IGSF8: variants seen among roughly 807,000 people sequenced by gnomAD.
IGSF8 encodes the protein CD81 partner 3.
IGSF8 carries 46 observed loss-of-function variants against 55.5 expected under a neutral mutation model. The observed-to-expected ratio is 0.83, with a 90% CI of 0.65 to 1.06. The LOEUF is 1.06. Ranked by LOEUF, IGSF8 falls within the 50% of genes least tolerant of loss-of-function variation. IGSF8 has a pLI of 0.00. For missense variants in IGSF8, 731 were observed against 832.3 expected (o/e 0.88, Z 1.50); for synonymous variants, 314 against 356.1 (o/e 0.88, Z 1.33).
upstream of IGSF8, among the ~76,000 whole-genome samples, chr1:160,099,434 C>T (rs1570970412): frequency 6.6e-6 from 1 of 152,226 alleles, no homozygotes; most frequent in African/African-American, 2.4e-5. Flanking sequence ...CTGTTTTTCA[C>T]CCCCTCAGAG....
intron 1 of IGSF8, among the ~76,000 whole-genome samples, chr1:160,096,247 A>G (rs935155431): frequency 3.9e-5 from 6 of 152,190 alleles, no homozygotes; most frequent in African/African-American, 7.2e-5. Context: ...CAGAACCTCA[A>G]TGTAAAGAGG....
chr1:160,092,994 C>T lies in IGSF8; in HGVS notation c.1242G>A (p.Gly414=). 3 of 1,613,966 alleles carry T rather than the reference C, an allele frequency of 1.9e-6. No homozygotes were observed. Among genetic ancestry groups the T allele is most frequent in the Middle Eastern group, 3.3e-4 (2 of 6,058 alleles). ...YRCLAKAYVR[G]SGTRLREAAS... ...CTGCTTCACGAAGCCGGGTCCCAGACCCTCGAACATAGGCTTTGGCGAGGC... is the reference window on the plus strand; with the variant it reads ...CTGCTTCACGAAGCCGGGTCCCAGATCCTCGAACATAGGCTTTGGCGAGGC... Residue 414 remains glycine (G), a synonymous_variant, in exon 4 of 7, where the codon GGG becomes GGA. Transcript: ENST00000314485.
Position 160,092,536 on chromosome 1 carries a change from G to T in IGSF8, c.1472C>A (p.Ser491Tyr). The T allele has an allele frequency of 6.2e-7, 1 of 1,612,712 alleles. No individual in the cohort carries two copies. Among genetic ancestry groups the T allele is most frequent in the Non-Finnish European group, 8.5e-7 (1 of 1,179,758 alleles). ...GCCACCCACCAGCTGGGCAGGGACA[G>T]AGCTGAGCTCTCCGTCCTCTGGTCG... ...VERPEDGELS[S>Y]VPAQLVGGVG... Residue 491 changes from serine (S) to tyrosine (Y), a missense_variant, in exon 5 of 7, where the codon TCT (serine) becomes TAT (tyrosine). Ser to Tyr is a moderately radical substitution (Grantham distance 144). Coordinates refer to ENST00000314485, the MANE Select transcript of IGSF8 (RefSeq NM_052868.6).
At position 160,094,043 on chromosome 1, in the gene IGSF8, T is replaced by C. The variant is rs1027000316; in HGVS notation, c.571A>G (p.Ser191Gly). ...ELALGCLARTSTQKHTHLAVS... is the reference protein window; with the variant it reads ...ELALGCLARTGTQKHTHLAVS... ...GCCAGGTGTGTGTGCTTCTGTGTGCTTGTCCTCGCCAGGCAGCCCAGTGCC... is the reference window on the plus strand; with the variant it reads ...GCCAGGTGTGTGTGCTTCTGTGTGCCTGTCCTCGCCAGGCAGCCCAGTGCC... Residue 191 changes from serine to glycine, a missense_variant, in exon 3 of 7, where the codon AGC (serine) becomes GGC (glycine). By Grantham distance (56) the Ser-to-Gly change is moderately conservative (BLOSUM62 0). Transcript: ENST00000314485. The surrounding 1 kb of genome is among the most constrained non-coding windows in gnomAD (Gnocchi z 4.0). The C allele has an allele frequency of 2.5e-6, 4 of 1,613,920 alleles. No individual in the cohort carries two copies. The highest frequency in any genetic ancestry group is 3.3e-5 in the Admixed American group (2 of 60,014).
upstream of IGSF8, chr1:160,099,009 C>T (rs1420561384): frequency 7.3e-6 from 1 of 137,788 alleles, no homozygotes; most frequent in Non-Finnish European, 1.6e-5. Flanking sequence ...CTCCCCGGGC[C>T]CCGGCCCCGC....
intron 4 of IGSF8, 53 bp from the exon 5 acceptor site, chr1:160,092,748 T>G: frequency 6.4e-7 from 1 of 1,570,018 alleles, no homozygotes; most frequent in South Asian, 1.1e-5. Context: ...GAGCATGGGG[T>G]TAGGGCTGCC....
At position 160,091,839 on chromosome 1, in the gene IGSF8, C is replaced by T. The variant is rs968823188; in HGVS notation, c.1826G>A (p.Arg609Lys). The part of the protein sequence containing the change: ...LGTITCCFMK[R>K]LRKR Reference sequence around the variant, plus strand: ...AGTAAGGGATCACCGTTTTCGAAGCCTCTTCATGAAGCAGCAAGTGATGGT... The same window carrying T: ...AGTAAGGGATCACCGTTTTCGAAGCTTCTTCATGAAGCAGCAAGTGATGGT... Residue 609 changes from arginine to lysine, a missense_variant, in exon 6 of 7, where the codon AGG becomes AAG. Arg to Lys is a conservative substitution (Grantham distance 26). Transcript: ENST00000314485. 1 of 1,613,488 alleles carries T rather than the reference C, an allele frequency of 6.2e-7. No homozygotes were observed. Among genetic ancestry groups the T allele is most frequent in the Non-Finnish European group, 8.5e-7 (1 of 1,179,496 alleles).
rs370296642 is a variant in IGSF8, at chr1:160,098,349, G to T, written c.64+60C>A. On this transcript the variant is annotated intron_variant, in intron 1 of 6. Transcript: ENST00000314485. The stretch of plus-strand genomic sequence containing the variant: ...TGAGGAGCCCCGAAATGCTAGGGGG[G>T]TGCTGGATGGCAGGCACCTGCCCGG... 7 of 1,546,156 alleles carry T rather than the reference G, an allele frequency of 4.5e-6. No individual in the cohort carries two copies. In the South Asian group the frequency reaches 4.8e-5, roughly 11 times the overall value.
Position 160,091,820 on chromosome 1 carries a change from G to A in IGSF8, c.*3C>T, listed in dbSNP as rs759636908. The stretch of plus-strand genomic sequence containing the variant: ...TCTTTTCCCTCACCTGGGGAGTAAG[G>A]GATCACCGTTTTCGAAGCCTCTTCA... On this transcript the variant is annotated 3_prime_UTR_variant, in exon 6 of 7. Transcript: ENST00000314485. 2 of 1,606,842 alleles carry A rather than the reference G, an allele frequency of 1.2e-6. No homozygotes were observed. The highest frequency in any genetic ancestry group is 1.7e-6 in the Non-Finnish European group (2 of 1,173,506).
In IGSF8 at chr1:160,093,166, C is replaced by A. The variant is rs757971976; in HGVS notation, c.1070G>T (p.Arg357Leu). Residue 357 changes from arginine (R) to leucine (L), a missense_variant, in exon 4 of 7, where the codon CGC (arginine) becomes CTC (leucine). Transcript: ENST00000314485. Reference sequence around the variant, plus strand: ...CTCTGTGTCCAGCTGGGCTACCAGGCGGCCGGGCCCAGGTGCCCCCGCAGG... The same window carrying A: ...CTCTGTGTCCAGCTGGGCTACCAGGAGGCCGGGCCCAGGTGCCCCCGCAGG... ...MAPAGAPGPG[R>L]LVAQLDTEGV... 6 of 1,613,366 alleles carry A rather than the reference C, an allele frequency of 3.7e-6. No individual in the cohort carries two copies. In the African/African-American group the frequency reaches 6.7e-5, roughly 18 times the overall value.
At chr1:160,091,787 T>TG (rs1410903798) in intron 6 of IGSF8, 21 bp downstream of exon 6, 2 of 1,476,500 alleles carry the variant, frequency 1.4e-6, no homozygotes, top group Non-Finnish European at 1.9e-6. Flanking sequence ...AAAACAAGGT[T>TG]GGGGGGTTCT....
chr1:160,098,527 C>A lies in IGSF8; in HGVS notation c.-55G>T, dbSNP rs1570968732. The A allele has an allele frequency of 1.7e-6, 2 of 1,199,466 alleles. No individual in the cohort carries two copies. Among genetic ancestry groups the A allele is most frequent in the Non-Finnish European group, 2.2e-6 (2 of 902,188 alleles). 74.3% of individuals were successfully genotyped at this position (1,199,466 alleles called of 1,614,324 possible). On this transcript the variant is annotated 5_prime_UTR_variant, in exon 1 of 7. Transcript: ENST00000314485. Reference sequence around the variant, plus strand: ...GGGGATGGCGCGGGTTCTGGGGGGCCGGAAGGGTGGGGGGCGCATGCCCAG... The same window carrying A: ...GGGGATGGCGCGGGTTCTGGGGGGCAGGAAGGGTGGGGGGCGCATGCCCAG...
At position 160,093,171 on chromosome 1, in the gene IGSF8, G is replaced by A. The variant is rs139248676; in HGVS notation, c.1065C>T (p.Pro355=). 1.9e-3 allele frequency: 3,018 copies of A among 1,613,464 alleles called. 8 individuals carry two copies. Among genetic ancestry groups the A allele is most frequent in the Non-Finnish European group, 2.2e-3 (2,558 of 1,179,748 alleles). The change falls in exon 4 of 7, where the codon CCC becomes CCT. Residue 355 remains proline (P), a synonymous_variant. Transcript: ENST00000314485. The stretch of plus-strand genomic sequence containing the variant: ...TGTCCAGCTGGGCTACCAGGCGGCC[G>A]GGCCCAGGTGCCCCCGCAGGTGCCA... ...WEMAPAGAPG[P]GRLVAQLDTE...
chr1:160,097,052 C>T (rs779557669), intron 1 of IGSF8, among the ~76,000 whole-genome samples: 31 of 152,360 alleles, frequency 2.0e-4, no homozygotes, highest in Admixed American at 1.8e-3. Flanking sequence ...AGGAAAGGGA[C>T]AGCAAAGAGG....
At chr1:160,098,262 C>T (rs1650576348) in intron 1 of IGSF8, 147 bp downstream of exon 1, 11 of 1,226,946 alleles carry the variant, frequency 9.0e-6, no homozygotes, top group Non-Finnish European at 1.2e-5. Flanking sequence ...GGCGGACAGC[C>T]ACAAAGCGCA....
rs373134240 is a variant in IGSF8, at chr1:160,098,338, A to G, written c.64+71T>C. 4.6e-4 allele frequency: 698 copies of G among 1,522,314 alleles called. 12 individuals are homozygous for G. In the South Asian group the frequency reaches 7.6e-3, roughly 17 times the overall value. 94.3% of individuals were successfully genotyped at this position (1,522,314 alleles called of 1,614,324 possible). A position where few individuals can be genotyped will look rare whatever the true frequency, so the allele number is the denominator to read the frequency against. Reference sequence around the variant, plus strand: ...GGAGGAGGATGTGAGGAGCCCCGAAATGCTAGGGGGGTGCTGGATGGCAGG... The same window carrying G: ...GGAGGAGGATGTGAGGAGCCCCGAAGTGCTAGGGGGGTGCTGGATGGCAGG... On this transcript the variant is annotated intron_variant, in intron 1 of 6. Coordinates refer to ENST00000314485, the MANE Select transcript of IGSF8 (RefSeq NM_052868.6).
chr1:160,091,691 T>G, intron 6 of IGSF8, 83 bp from the exon 7 acceptor site: 1 of 707,188 alleles, frequency 1.4e-6, no homozygotes, highest in East Asian at 2.5e-5. Flanking sequence ...AACAGGGCCC[T>G]GTGGATCTGA....
chr1:160,095,392 T>C (rs1650364431), intron 1 of IGSF8, 146 bp from the exon 2 acceptor site: 1 of 800,356 alleles, frequency 1.2e-6, no homozygotes, highest in Non-Finnish European at 1.9e-6. Flanking sequence ...GTTCTGAGAA[T>C]AGGAAAGGGA....
rs763916875 is a variant in IGSF8 at position 160,093,151 on chromosome 1, A to G, written c.1085T>C (p.Leu362Pro). ...CAGGCTGCCCACACCCTCTGTGTCC[A>G]GCTGGGCTACCAGGCGGCCGGGCCC... Reference protein sequence around the residue: ...APGPGRLVAQLDTEGVGSLGP... With the variant: ...APGPGRLVAQPDTEGVGSLGP... Residue 362 changes from leucine to proline, a missense_variant, in exon 4 of 7, where the codon CTG becomes CCG. Physicochemically the swap from Leu to Pro is moderately conservative, Grantham distance 98 (BLOSUM62 -3). Coordinates refer to ENST00000314485, the MANE Select transcript of IGSF8 (RefSeq NM_052868.6). The G allele has an allele frequency of 6.2e-7, 1 of 1,613,804 alleles. No individual in the cohort carries two copies. Among genetic ancestry groups the G allele is most frequent in the Non-Finnish European group, 8.5e-7 (1 of 1,179,842 alleles).
Sources: allele counts gnomAD v4.1 joint callset (sites outside exome capture counted in the v4.1 genomes callset), GRCh38; gene constraint gnomAD v4.1.1; non-coding constraint Gnocchi (gnomAD v3.1); transcripts MANE v1.5; gene names NCBI Gene and HGNC (gene_info 2026-07-23, HGNC 2026-07-21).